The following SPTSSA variants were observed in gnomAD, a reference collection of about 807,000 sequenced individuals.
SPTSSA encodes small subunit of serine palmitoyltransferase A.
SPTSSA carries 8 observed loss-of-function variants against 9.1 expected under a neutral mutation model. That is an observed-to-expected ratio of 0.88 (90% CI 0.51 to 1.58). The LOEUF (loss-of-function observed/expected upper bound fraction) is 1.58, where lower values mean the gene tolerates loss of function less well. SPTSSA is among the 40% of genes most tolerant of loss of function. The pLI is 0.00. For missense variants in SPTSSA, 100 were observed against 93.8 expected, an observed-to-expected ratio of 1.07 and a Z score of -0.27; for synonymous variants, 42 against 37.7, an observed-to-expected ratio of 1.11 and a Z score of -0.41.
chr14:34,439,458 TA>T, intron 1 of SPTSSA, among the ~76,000 whole-genome samples: 1 of 151,860 alleles, frequency 6.6e-6, no homozygotes, highest in East Asian at 1.9e-4. Flanking sequence ...GGCAACATAG[TA>T]AGACAATGTC....
chr14:34,451,065 TAAAAAA>T (rs546786841), intron 1 of SPTSSA, among the ~76,000 whole-genome samples: 3 of 141,746 alleles, frequency 2.1e-5, no homozygotes, highest in Non-Finnish European at 3.1e-5. Context: ...ATCAGCAACT[TAAAAAA>T]AAAAAGTCCT....
chr14:34,438,200 T>A (rs1883268605), intron 1 of SPTSSA, among the ~76,000 whole-genome samples: 1 of 152,212 alleles, frequency 6.6e-6, no homozygotes, highest in Non-Finnish European at 1.5e-5. Flanking sequence ...CGTTTTGTCT[T>A]GGGCCCCATA....
At chr14:34,442,981 T>TGAGA (rs1274203473) in intron 1 of SPTSSA, among the ~76,000 whole-genome samples, 11 of 148,372 alleles carry the variant, frequency 7.4e-5, no homozygotes, top group African/African-American at 2.6e-4. Flanking sequence ...TGTGTGTGTG[T>TGAGA]GTGAGATGGA....
chr14:34,441,076 A>G (rs1053207298), intron 1 of SPTSSA, among the ~76,000 whole-genome samples: 6 of 152,222 alleles, frequency 3.9e-5, no homozygotes, highest in African/African-American at 1.4e-4. Flanking sequence ...AAGACTGTAT[A>G]CACACTCCAG....
chr14:34,459,654 A>G (rs12434081), intron 1 of SPTSSA, among the ~76,000 whole-genome samples: 41,442 of 151,364 alleles, frequency 0.27, 6,987 homozygotes, highest in African/African-American at 0.48. Context: ...GGTGGCAGGC[A>G]CCTGTAATCC....
At chr14:34,444,841 T>C (rs575498379) in intron 1 of SPTSSA, among the ~76,000 whole-genome samples, 1 of 151,828 alleles carries the variant, frequency 6.6e-6, no homozygotes, top group Non-Finnish European at 1.5e-5. Flanking sequence ...ATGCCTGTAA[T>C]CCCAACACTT....
intron 1 of SPTSSA, among the ~76,000 whole-genome samples, chr14:34,454,067 C>G (rs1283741842): frequency 6.6e-6 from 1 of 152,096 alleles, no homozygotes; most frequent in African/African-American, 2.4e-5. Context: ...GTAGTCCCCA[C>G]TATTTGGGAA....
intron 1 of SPTSSA, among the ~76,000 whole-genome samples, chr14:34,459,512 A>G (rs1878571467): frequency 6.6e-6 from 1 of 150,874 alleles, no homozygotes; most frequent in African/African-American, 2.4e-5. Context: ...CAGGCGTGGT[A>G]GCTCATGCCT....
chr14:34,455,576 C>T (rs1883605348), intron 1 of SPTSSA, among the ~76,000 whole-genome samples: 1 of 152,006 alleles, frequency 6.6e-6, no homozygotes, highest in Non-Finnish European at 1.5e-5. Context: ...ATTTTATTTA[C>T]AACTTAAAAT....
chr14:34,449,427 C>G (rs770567218), intron 1 of SPTSSA, among the ~76,000 whole-genome samples: 1 of 151,854 alleles, frequency 6.6e-6, no homozygotes, highest in Non-Finnish European at 1.5e-5. Context: ...TTCTAGATCA[C>G]CTGACCTGGT....
rs567330834 is a variant in SPTSSA at position 34,451,609 on chromosome 14, G to A, written c.112+10487C>T. On this transcript the variant is annotated intron_variant, in intron 1 of 1. Transcript: ENST00000298130. Reference sequence around the variant, plus strand: ...GCGGTGGCGGGCGCCTGTAGTCCCAGCTACTCCGGAGGCTGAGGCAGGAGA... The same window carrying A: ...GCGGTGGCGGGCGCCTGTAGTCCCAACTACTCCGGAGGCTGAGGCAGGAGA... Among the ~76,000 whole-genome samples the A allele has an allele frequency of 5.3e-5, 8 of 151,556 alleles. No homozygotes were observed. In the South Asian group the frequency reaches 1.3e-3, roughly 24 times the overall value.
intron 1 of SPTSSA, among the ~76,000 whole-genome samples, chr14:34,459,446 G>A (rs746089434): frequency 1.9e-4 from 27 of 140,500 alleles, no homozygotes; most frequent in Middle Eastern, 4.2e-3. Context: ...GCAACAGAGC[G>A]AGACACCGTC....
Position 34,462,094 on chromosome 14 carries a change from A to T in SPTSSA, c.112+2T>A. 6.7e-7 allele frequency: 1 copy of T among 1,488,168 alleles called. No homozygotes were observed. Among genetic ancestry groups the T allele is most frequent in the South Asian group, 1.2e-5 (1 of 83,272 alleles). The allele number at this position is 1,488,168 out of a possible 1,614,324, so 92.2% of individuals were successfully genotyped here. ...CCCGCGCGCGCGGCCGGGACAGGAT[A>T]CTGAACACCGTCCGCTCCCAGGGCT... On this transcript the variant is annotated splice_donor_variant, in intron 1 of 1. Transcript: ENST00000298130. LOFTEE classifies it high-confidence loss of function.
intron 1 of SPTSSA, among the ~76,000 whole-genome samples, chr14:34,451,511 CAGG>C (rs1434126275): frequency 6.6e-6 from 1 of 152,040 alleles, no homozygotes; most frequent in African/African-American, 2.4e-5. Context: ...ATCACGAGGT[CAGG>C]AGATCGAGAC....
intron 1 of SPTSSA, among the ~76,000 whole-genome samples, chr14:34,459,891 G>A (rs1161406379): frequency 1.3e-5 from 2 of 152,194 alleles, no homozygotes; most frequent in East Asian, 3.8e-4. Flanking sequence ...CTAAATTTTA[G>A]GTTTCTAGGA....
At chr14:34,439,339 C>A in intron 1 of SPTSSA, among the ~76,000 whole-genome samples, 1 of 151,894 alleles carries the variant, frequency 6.6e-6, no homozygotes. Context: ...GGTACATCAG[C>A]CATTAAAGGG....
At chr14:34,449,592 TC>T (rs1213522670) in intron 1 of SPTSSA, among the ~76,000 whole-genome samples, 2 of 146,804 alleles carry the variant, frequency 1.4e-5, no homozygotes, top group African/African-American at 5.1e-5. Context: ...AACCTCCACC[TC>T]CCAGGTTCAA....
chr14:34,454,619 A>C (rs1163605586), intron 1 of SPTSSA, among the ~76,000 whole-genome samples: 2 of 152,214 alleles, frequency 1.3e-5, no homozygotes, highest in Non-Finnish European at 2.9e-5. Flanking sequence ...AGTTAACAAG[A>C]CAACTTTCCA....
At chr14:34,442,020 C>T (rs746636286) in intron 1 of SPTSSA, among the ~76,000 whole-genome samples, 10 of 152,160 alleles carry the variant, frequency 6.6e-5, no homozygotes, top group Admixed American at 4.6e-4. Flanking sequence ...GGATTACAGG[C>T]GCCCGCCACC....
Sources: gnomAD v4.1 joint callset for allele counts (sites outside exome capture counted in the v4.1 genomes callset) on GRCh38, gnomAD v4.1.1 for gene constraint, MANE v1.5 for transcripts, NCBI Gene and HGNC (gene_info 2026-07-23, HGNC 2026-07-21) for gene names.